Variants in HMBOX1 observed in about 807,000 individuals in gnomAD.
HMBOX1 encodes the protein homeobox containing 1.
A neutral mutation model predicts 54.5 loss-of-function variants in HMBOX1; 14 were observed. The ratio of observed to expected loss-of-function variants is 0.26; its 90% confidence interval spans 0.17 to 0.40. The LOEUF (loss-of-function observed/expected upper bound fraction) is 0.40, where lower values mean the gene tolerates loss of function less well. Ranked by LOEUF, HMBOX1 falls within the 10% of genes least tolerant of loss-of-function variation. HMBOX1 has a pLI of 1.00. For synonymous variants in HMBOX1, 160 were observed against 181.0 expected (o/e 0.88, Z 0.93); for missense variants, 332 against 514.4 (o/e 0.65, Z 3.43).
intron 4 of HMBOX1, among the ~76,000 whole-genome samples, chr8:28,997,101 T>C (rs1034635078): frequency 6.6e-6 from 1 of 152,146 alleles, no homozygotes; most frequent in Non-Finnish European, 1.5e-5. Flanking sequence ...ATGCCTTTTC[T>C]TTCTTTATCT....
At chr8:29,028,470 C>T (rs937422587) in intron 6 of HMBOX1, among the ~76,000 whole-genome samples, 5 of 152,202 alleles carry the variant, frequency 3.3e-5, no homozygotes, top group African/African-American at 1.2e-4. Context: ...GTTTTCACTG[C>T]ATTTTGGAAT....
intron 1 of HMBOX1, among the ~76,000 whole-genome samples, chr8:28,925,131 G>T (rs1818227285): frequency 6.6e-6 from 1 of 151,870 alleles, no homozygotes; most frequent in South Asian, 2.1e-4. Flanking sequence ...AAAATTAAAA[G>T]AATAATATTA....
chr8:29,039,646 A>G (rs1046770618), intron 6 of HMBOX1, among the ~76,000 whole-genome samples: 4 of 151,982 alleles, frequency 2.6e-5, no homozygotes, highest in African/African-American at 9.7e-5. Flanking sequence ...GGGCTTAAAT[A>G]CCTCCTTTTG....
At chr8:28,944,674 T>C (rs567914342) in intron 1 of HMBOX1, among the ~76,000 whole-genome samples, 143 of 152,332 alleles carry the variant, frequency 9.4e-4, no homozygotes, top group Non-Finnish European at 1.6e-3. Context: ...CAGTTGTCAC[T>C]AATCATTTTT....
rs961183357 is a variant in HMBOX1 at position 29,009,925 on chromosome 8, G to A, written c.697+743G>A. The A allele has an allele frequency of 3.6e-6, 4 of 1,107,352 alleles. No individual in the cohort carries two copies. In the African/African-American group the frequency reaches 5.1e-5, roughly 14 times the overall value. 68.6% of individuals were successfully genotyped at this position (1,107,352 alleles called of 1,614,324 possible). A position where few individuals can be genotyped will look rare whatever the true frequency, so the allele number is the denominator to read the frequency against. ...CCCTCATGTGTAAATTTAAGATTGGGTTGCGTTCTGTAATGCTGCAGCCTC... is the reference window on the plus strand; with the variant it reads ...CCCTCATGTGTAAATTTAAGATTGGATTGCGTTCTGTAATGCTGCAGCCTC... On this transcript the variant is annotated intron_variant, in intron 5 of 9. Coordinates refer to ENST00000287701, the MANE Select transcript of HMBOX1 (RefSeq NM_001135726.3).
At chr8:29,049,999 CAAT>C (rs1377675367) in intron 9 of HMBOX1, among the ~76,000 whole-genome samples, 2 of 152,210 alleles carry the variant, frequency 1.3e-5, no homozygotes, top group African/African-American at 4.8e-5. Context: ...CAGAAGGAAA[CAAT>C]GATGTCCACA....
At chr8:29,026,078 ACACAG>A (rs1160503373) in intron 6 of HMBOX1, among the ~76,000 whole-genome samples, 11 of 145,590 alleles carry the variant, frequency 7.6e-5, no homozygotes, top group African/African-American at 2.5e-4. Flanking sequence ...ACACACACAC[ACACAG>A]TTTTCCTGCC....
At chr8:28,950,601 TAC>T (rs1823240640) in intron 1 of HMBOX1, among the ~76,000 whole-genome samples, 1 of 152,220 alleles carries the variant, frequency 6.6e-6, no homozygotes, top group East Asian at 1.9e-4. Flanking sequence ...ATTGTACAGT[TAC>T]AACTCTGAAA....
intron 5 of HMBOX1, among the ~76,000 whole-genome samples, chr8:29,010,974 G>A (rs949437421): frequency 1.3e-5 from 2 of 152,028 alleles, no homozygotes; most frequent in Non-Finnish European, 2.9e-5. Context: ...CTGTATTTCT[G>A]TAAGCTGGAA....
chr8:28,988,117 A>G (rs1477257776), intron 4 of HMBOX1, among the ~76,000 whole-genome samples: 3 of 152,314 alleles, frequency 2.0e-5, no homozygotes, highest in Middle Eastern at 6.8e-3. Context: ...GCAACCATTC[A>G]TCTGCATTCC....
chr8:28,986,019 A>C (rs1373235691), intron 4 of HMBOX1, among the ~76,000 whole-genome samples: 1 of 152,162 alleles, frequency 6.6e-6, no homozygotes, highest in Non-Finnish European at 1.5e-5. Flanking sequence ...ACATGTATCC[A>C]CCATTGTAGT....
Position 29,051,336 on chromosome 8 carries a change from G to A in HMBOX1, c.*181G>A, listed in dbSNP as rs1279847157. On this transcript the variant is annotated 3_prime_UTR_variant, in exon 10 of 10. Coordinates refer to ENST00000287701, the MANE Select transcript of HMBOX1 (RefSeq NM_001135726.3). ...CTCAGCCTTTGCATATACTCTCTCA[G>A]TATTAACTCCCAGTAAATAATAACC... is the stretch of plus-strand genomic sequence containing the variant. 2 of 657,010 alleles carry A rather than the reference G, an allele frequency of 3.0e-6. No homozygotes were observed. The highest frequency in any genetic ancestry group is 2.5e-5 in the Admixed American group (1 of 39,608). The allele number at this position is 657,010 out of a possible 1,614,324, so 40.7% of individuals were successfully genotyped here.
intron 4 of HMBOX1, among the ~76,000 whole-genome samples, chr8:28,994,821 G>A (rs553664698): frequency 6.6e-6 from 1 of 152,132 alleles, no homozygotes; most frequent in South Asian, 2.1e-4. Context: ...ACTTATGCAA[G>A]ACAAAATATA....
chr8:29,012,094 C>T (rs963386200), intron 5 of HMBOX1, among the ~76,000 whole-genome samples: 1 of 152,116 alleles, frequency 6.6e-6, no homozygotes, highest in South Asian at 2.1e-4. Flanking sequence ...GTTGTTGTTG[C>T]GTTAACAGCA....
chr8:29,033,001 G>GT (rs1803252545), intron 6 of HMBOX1, among the ~76,000 whole-genome samples: 1 of 152,128 alleles, frequency 6.6e-6, no homozygotes, highest in Non-Finnish European at 1.5e-5. Flanking sequence ...GAATGCCTCA[G>GT]TGTTGTTTTC....
rs541878750 is a variant in HMBOX1, at chr8:29,024,664, C to T, written c.851+5751C>T. ...TAGGAATTTAATTACTATACAGTTACTGATTTTATTGATAATTATACGAAA... is the reference window on the plus strand; with the variant it reads ...TAGGAATTTAATTACTATACAGTTATTGATTTTATTGATAATTATACGAAA... On this transcript the variant is annotated intron_variant, in intron 6 of 9. Transcript: ENST00000287701. Among the ~76,000 whole-genome samples the T allele has an allele frequency of 2.6e-4, 40 of 152,188 alleles. 1 individual carries two copies. The South Asian group carries it at 7.9e-3, about 30-fold the overall frequency.
rs150815649 is a variant in HMBOX1 at position 29,007,297 on chromosome 8, T to C, written c.587-1775T>C. Among the ~76,000 whole-genome samples, 68 of 149,160 alleles carry C rather than the reference T, an allele frequency of 4.6e-4. 1 individual carries two copies. The highest frequency in any genetic ancestry group is 1.7e-3 in the African/African-American group (67 of 40,484). On this transcript the variant is annotated intron_variant, in intron 4 of 9. Transcript: ENST00000287701. ...GAGTGAAACTCTGTTTCCAAAAAAA[T>C]ACAAAGAAAAAAAAAAGTAGTATTA...
chr8:29,046,681 T>TA (rs1460177363), intron 7 of HMBOX1, among the ~76,000 whole-genome samples: 1 of 152,220 alleles, frequency 6.6e-6, no homozygotes, highest in Non-Finnish European at 1.5e-5. Flanking sequence ...GGATACTTGA[T>TA]AAAGAATAAC....
At chr8:29,002,058 TTTGTA>T (rs1458339911) in intron 4 of HMBOX1, among the ~76,000 whole-genome samples, 1 of 152,172 alleles carries the variant, frequency 6.6e-6, no homozygotes, top group Non-Finnish European at 1.5e-5. Context: ...TGTCACTCAA[TTTGTA>T]TTGGCCAGGA....
Sources: gnomAD v4.1 joint callset for allele counts (sites outside exome capture counted in the v4.1 genomes callset) on GRCh38, gnomAD v4.1.1 for gene constraint, MANE v1.5 for transcripts, NCBI Gene and HGNC (gene_info 2026-07-23, HGNC 2026-07-21) for gene names.